The following FAM135A variants were observed in gnomAD, a reference collection of about 807,000 sequenced individuals.
The protein encoded by FAM135A is protein FAM135A.
FAM135A carries 79 observed loss-of-function variants against 146.8 expected under a neutral mutation model. The observed-to-expected ratio is 0.54, with a 90% CI of 0.45 to 0.65. The LOEUF is 0.65. Among genes scored for constraint, FAM135A ranks in the 30% least tolerant of loss-of-function variants. The pLI is 0.00. For missense variants in FAM135A, 1,623 were observed against 1,758.2 expected, an observed-to-expected ratio of 0.92 and a Z score of 1.38; for synonymous variants, 562 against 603.6, an observed-to-expected ratio of 0.93 and a Z score of 1.01.
At chr6:70,416,645 G>A (rs1179207077) in intron 2 of FAM135A, among the ~76,000 whole-genome samples, 1 of 152,182 alleles carries the variant, frequency 6.6e-6, no homozygotes, top group African/African-American at 2.4e-5. Flanking sequence ...TAGGAATAAG[G>A]TGGGGTGTGG....
chr6:70,500,621 TA>T (rs2128245191), intron 11 of FAM135A, among the ~76,000 whole-genome samples: 1 of 152,360 alleles, frequency 6.6e-6, no homozygotes, highest in South Asian at 2.1e-4. Context: ...TGGATTTATC[TA>T]CCTTTAATCT....
intron 20 of FAM135A, among the ~76,000 whole-genome samples, chr6:70,549,833 ATAG>A (rs1283908018): frequency 3.0e-4 from 45 of 152,250 alleles, no homozygotes; most frequent in African/African-American, 9.9e-4. Flanking sequence ...ATGCTGTTTG[ATAG>A]TATTTTACCT....
rs181211091 is a variant in FAM135A, at chr6:70,533,403, A to T, written c.3867+152A>T. 3,757 of 605,034 alleles carry T rather than the reference A, an allele frequency of 6.2e-3. 16 individuals are homozygous for T. Among genetic ancestry groups the T allele is most frequent in the Non-Finnish European group, 7.8e-3 (2,693 of 343,520 alleles). 37.5% of individuals were successfully genotyped at this position (605,034 alleles called of 1,614,324 possible). A position where few individuals can be genotyped will look rare whatever the true frequency, so the allele number is the denominator to read the frequency against. ...AAATGTATATCCAAAGGAAATATATATGATTTACATTTTGACTTATGATCT... is the reference window on the plus strand; with the variant it reads ...AAATGTATATCCAAAGGAAATATATTTGATTTACATTTTGACTTATGATCT... On this transcript the variant is annotated intron_variant, in intron 17 of 21. Transcript: ENST00000418814.
rs2639292 is a variant in FAM135A at position 70,438,835 on chromosome 6, T to C, written c.77+10416T>C. Among the ~76,000 whole-genome samples the C allele has an allele frequency of 6.8e-3, 1,042 of 152,316 alleles. 10 individuals carry two copies. Among genetic ancestry groups the C allele is most frequent in the African/African-American group, 0.024 (1,003 of 41,548 alleles). On this transcript the variant is annotated intron_variant, in intron 4 of 21. Coordinates refer to ENST00000418814, the MANE Select transcript of FAM135A (RefSeq NM_001162529.3). ...CTGCTACACCTCAAACTGCAAGTTA[T>C]AGCCACAGTGCATGATAAGTGCTTA...
At chr6:70,506,564 C>T (rs1026869720) in intron 12 of FAM135A, among the ~76,000 whole-genome samples, 5 of 151,998 alleles carry the variant, frequency 3.3e-5, no homozygotes, top group African/African-American at 9.7e-5. Context: ...AGTTTGCCAA[C>T]GCCTACATTA....
chr6:70,516,038 G>A (rs1037327330), intron 12 of FAM135A, among the ~76,000 whole-genome samples: 21 of 152,046 alleles, frequency 1.4e-4, no homozygotes, highest in African/African-American at 5.1e-4. Context: ...TTTTCCTGAT[G>A]CTTTGCCTGT....
In FAM135A at chr6:70,413,654, C is replaced by T; in HGVS notation, c.-268C>T. 7 of 291,304 alleles carry T rather than the reference C, an allele frequency of 2.4e-5. No homozygotes were observed. The highest frequency in any genetic ancestry group is 3.1e-5 in the Non-Finnish European group (6 of 194,930). The allele number at this position is 291,304 out of a possible 1,614,324, so 18.0% of individuals were successfully genotyped here. ...GGGCCGTCTTCTTGCAGCTGGACAA[C>T]GAGCTCCTCCGTTCGACAGGCGGGG... On this transcript the variant is annotated 5_prime_UTR_variant, in exon 1 of 22. In the 5' UTR this introduces an upstream ATG that the reference lacks. Transcript: ENST00000418814.
chr6:70,488,125 C>G (rs1785076300), intron 10 of FAM135A, among the ~76,000 whole-genome samples: 1 of 152,054 alleles, frequency 6.6e-6, no homozygotes. Context: ...TGTAAAGATA[C>G]AGGTACAAGC....
In FAM135A at chr6:70,524,923, C is replaced by G; in HGVS notation, c.1839C>G (p.Ser613=). Residue 613 remains serine (S), a synonymous_variant, in exon 15 of 22, where the codon TCC becomes TCG. Transcript: ENST00000418814. ...ACCTAAATCTTTGTGCAAATTTGTCCATTTCAGGTAAACTTGATATCTCCC... is the reference window on the plus strand; with the variant it reads ...ACCTAAATCTTTGTGCAAATTTGTCGATTTCAGGTAAACTTGATATCTCCC... ...SGNLNLCANL[S]ISGKLDISQD... is the part of the protein sequence containing the mutation. The G allele has an allele frequency of 6.2e-7, 1 of 1,611,704 alleles. No individual in the cohort carries two copies. Among genetic ancestry groups the G allele is most frequent in the Non-Finnish European group, 8.5e-7 (1 of 1,179,196 alleles).
At chr6:70,485,646 T>C (rs1239128966) in intron 10 of FAM135A, among the ~76,000 whole-genome samples, 1 of 152,244 alleles carries the variant, frequency 6.6e-6, no homozygotes, top group African/African-American at 2.4e-5. Flanking sequence ...TTCTTAAACT[T>C]GACTATGCTT....
intron 4 of FAM135A, among the ~76,000 whole-genome samples, chr6:70,442,744 A>T: frequency 6.6e-6 from 1 of 152,068 alleles, no homozygotes. Flanking sequence ...TCCCAAAAAA[A>T]AAGAGCCAGA....
intron 5 of FAM135A, among the ~76,000 whole-genome samples, chr6:70,460,987 C>T (rs1445627414): frequency 1.3e-5 from 2 of 151,820 alleles, no homozygotes; most frequent in African/African-American, 2.4e-5. Context: ...CCACGCCTGA[C>T]TGATTTTTGT....
intron 12 of FAM135A, among the ~76,000 whole-genome samples, chr6:70,515,930 AT>A (rs1488632424): frequency 6.6e-6 from 1 of 152,098 alleles, no homozygotes; most frequent in Non-Finnish European, 1.5e-5. Flanking sequence ...TAAAAAAAAA[AT>A]AAAGTAACTT....
At chr6:70,414,827 A>C (rs9455093) in intron 1 of FAM135A, among the ~76,000 whole-genome samples, 30,478 of 152,030 alleles carry the variant, frequency 0.2, 3,299 homozygotes, top group African/African-American at 0.29. Flanking sequence ...GTACAGACTA[A>C]ATGAAACTAT....
chr6:70,495,825 C>G (rs1294599108), intron 11 of FAM135A, among the ~76,000 whole-genome samples: 1 of 152,030 alleles, frequency 6.6e-6, no homozygotes, highest in Non-Finnish European at 1.5e-5. Flanking sequence ...GTGTGATGTT[C>G]CCCGTCCTGT....
chr6:70,464,555 T>C (rs915758338), intron 5 of FAM135A, among the ~76,000 whole-genome samples: 2 of 152,144 alleles, frequency 1.3e-5, no homozygotes, highest in African/African-American at 4.8e-5. Flanking sequence ...AGGTCTTTTG[T>C]TTCCCAGACC....
chr6:70,495,109 A>G (rs535279318), intron 11 of FAM135A, among the ~76,000 whole-genome samples: 32 of 152,268 alleles, frequency 2.1e-4, no homozygotes, highest in African/African-American at 7.0e-4. Flanking sequence ...ATCTCTTGGG[A>G]AAAAAACACA....
At chr6:70,476,034 C>G (rs1782578558) in intron 7 of FAM135A, among the ~76,000 whole-genome samples, 2 of 152,200 alleles carry the variant, frequency 1.3e-5, no homozygotes, top group Non-Finnish European at 2.9e-5. Flanking sequence ...TAAATGAGCT[C>G]TTTTCCACTG....
intron 5 of FAM135A, among the ~76,000 whole-genome samples, chr6:70,466,551 G>A (rs1780511295): frequency 6.6e-6 from 1 of 152,174 alleles, no homozygotes; most frequent in African/African-American, 2.4e-5. Context: ...GACTCCCTTT[G>A]GAGATGTTCG....
Sources: allele counts gnomAD v4.1 joint callset (sites outside exome capture counted in the v4.1 genomes callset), GRCh38; gene constraint gnomAD v4.1.1; transcripts MANE v1.5; gene names NCBI Gene and HGNC (gene_info 2026-07-23, HGNC 2026-07-21).